Variants in GPHN observed in about 807,000 individuals in gnomAD.
GPHN encodes the protein gephyrin.
In GPHN, 17 loss-of-function variants were observed where a neutral mutation model predicts 95.5. The observed-to-expected ratio is 0.18, with a 90% CI of 0.12 to 0.27. GPHN has a LOEUF of 0.27. Among genes scored for constraint, GPHN ranks in the 10% least tolerant of loss-of-function variants. The probability of loss-of-function intolerance (pLI) is 1.00; values close to 1 mark genes in which losing one functional copy is unlikely to be tolerated. For missense variants in GPHN, 660 were observed against 978.1 expected (o/e 0.67, Z 4.34); for synonymous variants, 320 against 322.5 (o/e 0.99, Z 0.08).
chr14:67,620,049 CTCCG>C, the GPHN span: 13 of 1,611,826 alleles, frequency 8.1e-6, no homozygotes, highest in Non-Finnish European at 1.1e-5. Context: ...AATCCGTCCA[CTCCG>C]TGGCTGTGAT....
At chr14:67,707,344 T>G in the GPHN span, among the ~76,000 whole-genome samples, 1 of 152,218 alleles carries the variant, frequency 6.6e-6, no homozygotes, top group African/African-American at 2.4e-5. Context: ...TCTCTCCAGT[T>G]TCCCATTTTT....
chr14:67,613,984 G>C, the GPHN span: 1 of 152,298 alleles, frequency 6.6e-6, no homozygotes, highest in Non-Finnish European at 1.5e-5. Context: ...ACCCAGGCTA[G>C]AGTGCAGTGG....
chr14:66,642,776 G>T (rs926702407), intron 1 of GPHN, among the ~76,000 whole-genome samples: 11 of 151,830 alleles, frequency 7.2e-5, no homozygotes, highest in Non-Finnish European at 1.5e-4. Context: ...ATGGAGAAAA[G>T]AATTTTATTT....
the GPHN span, among the ~76,000 whole-genome samples, chr14:67,434,255 T>C: frequency 6.6e-6 from 1 of 152,356 alleles, no homozygotes; most frequent in East Asian, 1.9e-4. Flanking sequence ...TTAATATAAA[T>C]GATAAAACAA....
intron 1 of GPHN, among the ~76,000 whole-genome samples, chr14:66,634,200 A>T (rs1227613850): frequency 3.3e-5 from 5 of 151,910 alleles, no homozygotes; most frequent in South Asian, 2.1e-4. Flanking sequence ...GTTCCCTTAC[A>T]TTGATATTTG....
chr14:67,284,547 T>TAAAAAAAAAAAAAAAAA, the GPHN span, among the ~76,000 whole-genome samples: 2 of 23,302 alleles, frequency 8.6e-5, no homozygotes, highest in African/African-American at 2.5e-4. Flanking sequence ...GCTGCAGTGC[T>TAAAAAAAAAAAAAAAAA]AAAAAAAAAA....
At chr14:67,289,915 C>A in the GPHN span, among the ~76,000 whole-genome samples, 1 of 151,862 alleles carries the variant, frequency 6.6e-6, no homozygotes, top group Non-Finnish European at 1.5e-5. Flanking sequence ...GGACTACAGG[C>A]ACCCACCACC....
intron 1 of GPHN, among the ~76,000 whole-genome samples, chr14:66,589,844 A>G (rs1392295660): frequency 6.6e-6 from 1 of 152,198 alleles, no homozygotes; most frequent in African/African-American, 2.4e-5. Flanking sequence ...ATAGACATCT[A>G]CAGAACTCTC....
the GPHN span, chr14:67,334,413 T>C: frequency 6.5e-6 from 1 of 152,672 alleles, no homozygotes; most frequent in Non-Finnish European, 1.5e-5. Context: ...ATGGTGACTT[T>C]AGCTACAGCA....
the GPHN span, among the ~76,000 whole-genome samples, chr14:67,644,862 G>A: frequency 6.6e-6 from 1 of 152,060 alleles, no homozygotes; most frequent in East Asian, 1.9e-4. Context: ...GCCAGGCATG[G>A]TGGCATGTGC....
At chr14:66,533,316 C>T (rs945077324) in intron 1 of GPHN, among the ~76,000 whole-genome samples, 5 of 152,160 alleles carry the variant, frequency 3.3e-5, no homozygotes, top group Admixed American at 1.3e-4. Context: ...CCACCATAAA[C>T]ATAGAATAGT....
intron 8 of GPHN, among the ~76,000 whole-genome samples, chr14:66,925,745 C>A (rs1286486186): frequency 2.6e-5 from 4 of 152,134 alleles, no homozygotes; most frequent in African/African-American, 9.7e-5. Flanking sequence ...ATACTGATTT[C>A]CTTTCTTTTG....
the GPHN span, among the ~76,000 whole-genome samples, chr14:67,282,111 A>T: frequency 6.6e-6 from 1 of 152,210 alleles, no homozygotes; most frequent in Non-Finnish European, 1.5e-5. Flanking sequence ...ATCATGAGAA[A>T]TTAGCATAAG....
chr14:67,648,264 G>C, the GPHN span: 4 of 1,472,338 alleles, frequency 2.7e-6, no homozygotes, highest in African/African-American at 5.7e-5. Context: ...GATCTTTTCT[G>C]CTATTCCACA....
rs143604138 is a variant in GPHN at position 66,519,067 on chromosome 14, G to T, written c.64+10476G>T. On this transcript the variant is annotated intron_variant, in intron 1 of 22. Coordinates refer to ENST00000478722, the MANE Select transcript of GPHN (RefSeq NM_020806.5). ...TCTGATCACCATACATTATATGTAT[G>T]GAGACATCACTATGTATCTCATAAG... Among the ~76,000 whole-genome samples, 544 of 151,950 alleles carry T rather than the reference G, an allele frequency of 3.6e-3. 9 individuals are homozygous for T. Among genetic ancestry groups the T allele is most frequent in the African/African-American group, 0.012 (518 of 41,496 alleles).
At chr14:67,405,558 GCCTTGCATAGTCT>G in the GPHN span, among the ~76,000 whole-genome samples, 1 of 152,160 alleles carries the variant, frequency 6.6e-6, no homozygotes, top group African/African-American at 2.4e-5. Flanking sequence ...GGTGTTCACA[GCCTTGCATAGTCT>G]CCTTCCACAT....
chr14:67,204,587 T>C, the GPHN span: 10 of 1,613,604 alleles, frequency 6.2e-6, no homozygotes, highest in East Asian at 1.8e-4. Flanking sequence ...GCGGAGAACA[T>C]GAGCCTGAAA....
At chr14:67,035,621 TAGA>T (rs1459820282) in intron 10 of GPHN, among the ~76,000 whole-genome samples, 2 of 151,928 alleles carry the variant, frequency 1.3e-5, no homozygotes, top group Non-Finnish European at 2.9e-5. Flanking sequence ...TTGAATCACC[TAGA>T]AGAAGTGGAT....
At chr14:67,193,024 A>C in the GPHN span, among the ~76,000 whole-genome samples, 1 of 146,064 alleles carries the variant, frequency 6.8e-6, no homozygotes, top group African/African-American at 2.5e-5. Flanking sequence ...AGATATAGAT[A>C]TATCTCTATC....
Sources: gnomAD v4.1 joint callset for allele counts (sites outside exome capture counted in the v4.1 genomes callset) on GRCh38, gnomAD v4.1.1 for gene constraint, MANE v1.5 for transcripts, NCBI Gene and HGNC (gene_info 2026-07-23, HGNC 2026-07-21) for gene names.